SCLT1: variants seen among roughly 807,000 people sequenced by gnomAD.
The protein encoded by SCLT1 is sodium channel and clathrin linker 1.
SCLT1 carries 78 observed loss-of-function variants against 112.8 expected under a neutral mutation model. The observed-to-expected ratio is 0.69, with a 90% CI of 0.58 to 0.83. SCLT1 has a LOEUF of 0.83. Ranked by LOEUF, SCLT1 falls within the 40% of genes least tolerant of loss-of-function variation. SCLT1 has a pLI of 0.00. For missense variants in SCLT1, 747 were observed against 770.4 expected (o/e 0.97, Z 0.36); for synonymous variants, 257 against 254.7 (o/e 1.01, Z -0.09).
intron 3 of SCLT1, among the ~76,000 whole-genome samples, chr4:128,878,581 T>C (rs1448602050): frequency 1.3e-5 from 2 of 152,184 alleles, no homozygotes; most frequent in Non-Finnish European, 2.9e-5. Context: ...TCTCAAGTAC[T>C]CTAAGTAAAT....
intron 5 of SCLT1, among the ~76,000 whole-genome samples, chr4:129,017,540 ATTTT>A (rs1189407107): frequency 6.6e-6 from 1 of 152,156 alleles, no homozygotes; most frequent in South Asian, 2.1e-4. Flanking sequence ...TTAAAGCATT[ATTTT>A]TTATGTATGG....
At chr4:128,986,168 G>A (rs79083358) in intron 9 of SCLT1, among the ~76,000 whole-genome samples, 2 of 152,184 alleles carry the variant, frequency 1.3e-5, no homozygotes, top group East Asian at 3.9e-4. Flanking sequence ...TGTGTGCTAG[G>A]GGGAGGGAGA....
rs12645708 is a variant in SCLT1, at chr4:129,040,205, C to T, written c.235-1109G>A. 1.7e-4 allele frequency: 116 copies of T among 702,548 alleles called. No individual in the cohort carries two copies. In the East Asian group the frequency reaches 1.7e-3, roughly 10 times the overall value. 43.5% of individuals were successfully genotyped at this position (702,548 alleles called of 1,614,324 possible). ...GAAAGGTGAACTTTTCCAAGGTCCT[C>T]GTTATGCCTGAAACACAATTAAACC... On this transcript the variant is annotated intron_variant, in intron 4 of 20. Coordinates refer to ENST00000281142, the MANE Select transcript of SCLT1 (RefSeq NM_144643.4).
intron 18 of SCLT1, among the ~76,000 whole-genome samples, chr4:128,930,170 C>T (rs138111595): frequency 2.0e-5 from 3 of 152,212 alleles, no homozygotes; most frequent in East Asian, 3.9e-4. Context: ...AAAAGCATTA[C>T]GTCTTTTTGC....
chr4:128,944,335 T>C (rs1462355873), intron 16 of SCLT1, among the ~76,000 whole-genome samples: 1 of 152,090 alleles, frequency 6.6e-6, no homozygotes, highest in African/African-American at 2.4e-5. Context: ...ATTGTAAGCC[T>C]CCTAATAGAC....
intron 18 of SCLT1, among the ~76,000 whole-genome samples, chr4:128,924,489 T>C (rs1736139514): frequency 6.6e-6 from 1 of 152,040 alleles, no homozygotes; most frequent in Admixed American, 6.6e-5. Flanking sequence ...CAGAGTGGTT[T>C]TGAACTCCTA....
At chr4:129,013,971 A>G (rs1744771287) in intron 5 of SCLT1, among the ~76,000 whole-genome samples, 1 of 152,152 alleles carries the variant, frequency 6.6e-6, no homozygotes. Flanking sequence ...GTCTCTTTAC[A>G]TAATCCCATA....
chr4:129,051,043 G>C (rs369023225), intron 2 of SCLT1, among the ~76,000 whole-genome samples: 1 of 151,948 alleles, frequency 6.6e-6, no homozygotes, highest in South Asian at 2.1e-4. Context: ...GTAGATGTGT[G>C]GTGTTATTTC....
intron 2 of SCLT1, among the ~76,000 whole-genome samples, chr4:129,077,852 AC>A (rs1751594865): frequency 6.6e-6 from 1 of 152,110 alleles, no homozygotes; most frequent in South Asian, 2.1e-4. Flanking sequence ...GAGGTAAAGA[AC>A]CCTCTAGGGA....
intron 10 of SCLT1, among the ~76,000 whole-genome samples, chr4:128,965,832 T>TC (rs1740136188): frequency 6.8e-6 from 1 of 146,892 alleles, no homozygotes; most frequent in Non-Finnish European, 1.5e-5. Flanking sequence ...GCCATAACTT[T>TC]TTTTTTTTTT....
intron 2 of SCLT1, among the ~76,000 whole-genome samples, chr4:129,070,481 T>G (rs1838911): frequency 0.55 from 84,231 of 151,810 alleles, 25,462 homozygotes; most frequent in South Asian, 0.68. Flanking sequence ...TCTGATTTAA[T>G]CTAGGAGGGT....
chr4:129,084,726 A>G (rs1276522449), intron 1 of SCLT1, among the ~76,000 whole-genome samples: 2 of 152,326 alleles, frequency 1.3e-5, no homozygotes, highest in Admixed American at 1.3e-4. Context: ...CCACATACCT[A>G]CAACTATCTG....
chr4:129,057,028 G>GT (rs1410848755), intron 2 of SCLT1, among the ~76,000 whole-genome samples: 11 of 152,028 alleles, frequency 7.2e-5, no homozygotes, highest in Non-Finnish European at 1.2e-4. Flanking sequence ...TGTGTTGAAC[G>GT]TTTTTTTAAA....
chr4:128,909,538 G>A (rs1307377326), intron 18 of SCLT1, among the ~76,000 whole-genome samples: 2 of 152,138 alleles, frequency 1.3e-5, no homozygotes, highest in African/African-American at 4.8e-5. Flanking sequence ...GTGAGCCACT[G>A]CACCCAGCCT....
At chr4:129,052,208 G>A (rs1332835782) in intron 2 of SCLT1, among the ~76,000 whole-genome samples, 1 of 152,124 alleles carries the variant, frequency 6.6e-6, no homozygotes, top group East Asian at 1.9e-4. Context: ...ATCTCTGCCA[G>A]GTTTTGGTAT....
chr4:128,897,723 C>T (rs1054895794), intron 18 of SCLT1, among the ~76,000 whole-genome samples: 17 of 152,120 alleles, frequency 1.1e-4, no homozygotes, highest in Non-Finnish European at 2.1e-4. Context: ...AAGACACAGG[C>T]TGGCAAATTG....
At chr4:128,906,364 AT>A (rs532199521) in intron 18 of SCLT1, among the ~76,000 whole-genome samples, 3 of 151,742 alleles carry the variant, frequency 2.0e-5, no homozygotes, top group East Asian at 1.9e-4. Flanking sequence ...CACCTGGCTA[AT>A]TTTTTTCTAT....
chr4:129,023,583 C>T (rs1225727217), intron 5 of SCLT1, among the ~76,000 whole-genome samples: 1 of 152,174 alleles, frequency 6.6e-6, no homozygotes, highest in Non-Finnish European at 1.5e-5. Flanking sequence ...AGGAACAGCT[C>T]GGGTCTACAG....
intron 5 of SCLT1, among the ~76,000 whole-genome samples, chr4:129,016,607 T>C (rs1034787941): frequency 6.6e-6 from 1 of 152,204 alleles, no homozygotes; most frequent in African/African-American, 2.4e-5. Context: ...ATTTTGAGGA[T>C]CCTAACACAC....
Sources: gnomAD v4.1 joint callset for allele counts (sites outside exome capture counted in the v4.1 genomes callset) on GRCh38, gnomAD v4.1.1 for gene constraint, MANE v1.5 for transcripts, NCBI Gene and HGNC (gene_info 2026-07-23, HGNC 2026-07-21) for gene names.